TTC7B: variants seen among roughly 807,000 people sequenced by gnomAD.
TTC7B encodes the protein tetratricopeptide repeat protein 7B.
A neutral mutation model predicts 106.8 loss-of-function variants in TTC7B; 28 were observed. The observed-to-expected ratio is 0.26, with a 90% CI of 0.19 to 0.36. TTC7B has a LOEUF of 0.36. Among genes scored for constraint, TTC7B ranks in the 10% least tolerant of loss-of-function variants. TTC7B has a pLI of 1.00. For synonymous variants in TTC7B, 405 were observed against 430.6 expected (o/e 0.94, Z 0.74); for missense variants, 862 against 1,076.4 (o/e 0.80, Z 2.79).
intron 15 of TTC7B, among the ~76,000 whole-genome samples, chr14:90,639,068 G>A (rs1304999261): frequency 6.6e-6 from 1 of 152,150 alleles, no homozygotes; most frequent in Non-Finnish European, 1.5e-5. Flanking sequence ...TGGGCCCTTA[G>A]GTTTCAGTGT....
intron 19 of TTC7B, among the ~76,000 whole-genome samples, chr14:90,565,511 C>T (rs923775986): frequency 4.0e-5 from 6 of 149,214 alleles, no homozygotes; most frequent in Non-Finnish European, 7.4e-5. Flanking sequence ...AAGGGATTCT[C>T]CTGCCTCTGC....
chr14:90,698,905 T>C (rs55782257), intron 5 of TTC7B: 30,274 of 289,314 alleles, frequency 0.1, 1,810 homozygotes, highest in Admixed American at 0.19. Flanking sequence ...CAGGAAAGCC[T>C]ACCACTTTTC....
At chr14:90,709,300 T>C (rs1003111722) in intron 5 of TTC7B, among the ~76,000 whole-genome samples, 2 of 151,024 alleles carry the variant, frequency 1.3e-5, no homozygotes, top group Admixed American at 6.6e-5. Flanking sequence ...TGTCCAACAA[T>C]GATAGACTGG....
At chr14:90,708,862 A>T (rs964513708) in intron 5 of TTC7B, among the ~76,000 whole-genome samples, 1 of 152,094 alleles carries the variant, frequency 6.6e-6, no homozygotes, top group African/African-American at 2.4e-5. Context: ...AACCCCATCA[A>T]AAAGTGGGTG....
chr14:90,683,845 C>T (rs557035127), intron 7 of TTC7B, among the ~76,000 whole-genome samples: 1 of 152,298 alleles, frequency 6.6e-6, no homozygotes, highest in South Asian at 2.1e-4. Flanking sequence ...TGTAGCTGGT[C>T]GTTTACACAG....
At chr14:90,654,850 CA>C in intron 12 of TTC7B, 142 bp downstream of exon 12, 2 of 646,104 alleles carry the variant, frequency 3.1e-6, no homozygotes, top group Non-Finnish European at 5.4e-6. Context: ...ACAGCAGCAC[CA>C]GGGGCCCCAC....
Position 90,759,195 on chromosome 14 carries a change from T to C in TTC7B, c.446-14273A>G, listed in dbSNP as rs181455112. ...TGAGCCGCACATGACTCTCTCCTTC[T>C]CCACAGAACAATCTGTGTTCTGCTC... On this transcript the variant is annotated intron_variant, in intron 3 of 19. Transcript: ENST00000328459. This position sits in a 1 kb window ranked among gnomAD's most constrained non-coding sequence, Gnocchi z 4.1. 3.1e-4 allele frequency among the ~76,000 whole-genome samples: 47 copies of C among 152,190 alleles called. No homozygotes were observed. Among genetic ancestry groups the C allele is most frequent in the Admixed American group, 1.0e-3 (16 of 15,290 alleles).
At chr14:90,671,660 T>G (rs551168627) in intron 9 of TTC7B, among the ~76,000 whole-genome samples, 3 of 152,330 alleles carry the variant, frequency 2.0e-5, no homozygotes, top group African/African-American at 2.4e-5. Context: ...AATTAGTCTT[T>G]AAAAACACAA....
In TTC7B at chr14:90,527,635, C is replaced by G. The variant is rs1267143485; in HGVS notation, c.*13733G>C. 1 of 151,066 alleles carries G rather than the reference C, an allele frequency of 6.6e-6. No individual in the cohort carries two copies. Among genetic ancestry groups the G allele is most frequent in the Admixed American group, 6.6e-5 (1 of 15,152 alleles). 9.4% of individuals were successfully genotyped at this position (151,066 alleles called of 1,614,324 possible). ...AGTGCAATGGCGCCATCTCGGCTCA[C>G]TGCAAGCTCTGCTTCCCGGGTTCAT... On this transcript the variant is annotated 3_prime_UTR_variant, in exon 20 of 20. Coordinates refer to ENST00000328459, the MANE Select transcript of TTC7B (RefSeq NM_001010854.2).
rs371744872 is a variant in TTC7B at position 90,627,578 on chromosome 14, G to A, written c.1752-9533C>T. 2.2e-4 allele frequency among the ~76,000 whole-genome samples: 34 copies of A among 152,332 alleles called. No homozygotes were observed. In the South Asian group the frequency reaches 3.5e-3, roughly 16 times the overall value. ...CTGGGAGGCTGTGGTGAGTGGCAGCGCTAGGGCCTGGGCCGTGGCCGTCCC... is the reference window on the plus strand; with the variant it reads ...CTGGGAGGCTGTGGTGAGTGGCAGCACTAGGGCCTGGGCCGTGGCCGTCCC... On this transcript the variant is annotated intron_variant, in intron 15 of 19. Transcript: ENST00000328459.
chr14:90,650,366 TC>T (rs1364078667), intron 13 of TTC7B, among the ~76,000 whole-genome samples: 3 of 152,166 alleles, frequency 2.0e-5, no homozygotes, highest in African/African-American at 7.2e-5. Context: ...AATCTATTGC[TC>T]AGGAATCTCT....
Position 90,535,870 on chromosome 14 carries a change from G to A in TTC7B, c.*5498C>T, listed in dbSNP as rs567011578. ...TGGCTTGCGGGTGGCCGCCTTCTCCGTGTGTCCTGGCGTGGCTGAGCGTGA... is the reference window on the plus strand; with the variant it reads ...TGGCTTGCGGGTGGCCGCCTTCTCCATGTGTCCTGGCGTGGCTGAGCGTGA... On this transcript the variant is annotated 3_prime_UTR_variant, in exon 20 of 20. Transcript: ENST00000328459. 459 of 152,650 alleles carry A rather than the reference G, an allele frequency of 3.0e-3. 2 individuals are homozygous for A. The highest frequency in any genetic ancestry group is 6.0e-3 in the South Asian group (29 of 4,834). The allele number at this position is 152,650 out of a possible 1,614,324, so 9.5% of individuals were successfully genotyped here. A position where few individuals can be genotyped will look rare whatever the true frequency, so the allele number is the denominator to read the frequency against.
intron 3 of TTC7B, among the ~76,000 whole-genome samples, chr14:90,752,427 G>A (rs1665392473): frequency 6.6e-6 from 1 of 152,168 alleles, no homozygotes; most frequent in South Asian, 2.1e-4. Flanking sequence ...TCTCCCCAAG[G>A]CCTGTAGATT....
chr14:90,724,822 T>G (rs778571771), intron 5 of TTC7B, among the ~76,000 whole-genome samples: 1 of 152,184 alleles, frequency 6.6e-6, no homozygotes, highest in Admixed American at 6.5e-5. Context: ...ACACAATGAA[T>G]CCTCATTAAC....
At chr14:90,728,327 G>A (rs1345989738) in intron 5 of TTC7B, among the ~76,000 whole-genome samples, 3 of 84,420 alleles carry the variant, frequency 3.6e-5, no homozygotes, top group South Asian at 4.4e-4. Context: ...GCAAGACCTC[G>A]TCCCCCCCGC....
chr14:90,597,864 A>G (rs373308547), intron 17 of TTC7B, among the ~76,000 whole-genome samples: 1 of 152,238 alleles, frequency 6.6e-6, no homozygotes, highest in South Asian at 2.1e-4. Context: ...GTACATCAGA[A>G]TGAGAGCACT....
chr14:90,616,825 G>A (rs149982928), intron 16 of TTC7B, among the ~76,000 whole-genome samples: 8 of 152,192 alleles, frequency 5.3e-5, no homozygotes, highest in East Asian at 1.9e-4. Context: ...CTCACCCTTC[G>A]TACTCATTTA....
rs754901488 is a variant in TTC7B, at chr14:90,744,811, T to TA, written c.556dup (p.Tyr186LeufsTer12). 1.2e-6 allele frequency: 2 copies of TA among 1,614,142 alleles called. No homozygotes were observed. The highest frequency in any genetic ancestry group is 1.7e-6 in the Non-Finnish European group (2 of 1,180,020). On this transcript the variant is annotated frameshift_variant, in exon 4 of 20. Coordinates refer to ENST00000328459, the MANE Select transcript of TTC7B (RefSeq NM_001010854.2). LOFTEE classifies it high-confidence loss of function. ...ACTTACCCTTTCTATCTCTTGGAGA[T>TA]ACAGGAGTGCGATGTCCCCTGCTTT...
At chr14:90,596,756 G>A (rs1382595897) in intron 17 of TTC7B, among the ~76,000 whole-genome samples, 2 of 152,184 alleles carry the variant, frequency 1.3e-5, no homozygotes, top group Non-Finnish European at 2.9e-5. Context: ...TAGAAGATGC[G>A]AACTACGTCC....
Sources: allele counts gnomAD v4.1 joint callset (sites outside exome capture counted in the v4.1 genomes callset), GRCh38; gene constraint gnomAD v4.1.1; non-coding constraint Gnocchi (gnomAD v3.1); transcripts MANE v1.5; gene names NCBI Gene and HGNC (gene_info 2026-07-23, HGNC 2026-07-21).